ACTN2: variants seen among roughly 807,000 people sequenced by gnomAD.
ACTN2 encodes alpha-actinin-2.
Under a neutral mutation model 113.8 loss-of-function variants are expected in ACTN2, and 39 were observed. That is an observed-to-expected ratio of 0.34 (90% CI 0.27 to 0.45). The LOEUF (loss-of-function observed/expected upper bound fraction) is 0.45, where lower values mean the gene tolerates loss of function less well. Among genes scored for constraint, ACTN2 ranks in the 20% least tolerant of loss-of-function variants. ACTN2 has a pLI of 1.00. For missense variants in ACTN2, 992 were observed against 1,177.9 expected, an observed-to-expected ratio of 0.84 and a Z score of 2.31; for synonymous variants, 429 against 444.1, an observed-to-expected ratio of 0.97 and a Z score of 0.43.
chr1:236,715,270 T>G (rs1290333165), intron 1 of ACTN2, among the ~76,000 whole-genome samples: 1 of 151,266 alleles, frequency 6.6e-6, no homozygotes, highest in Non-Finnish European at 1.5e-5. Context: ...ACTCGTCATT[T>G]AACATTAGGT....
chr1:236,697,665 C>T (rs1398339708), intron 1 of ACTN2, among the ~76,000 whole-genome samples: 1 of 151,906 alleles, frequency 6.6e-6, no homozygotes, highest in Non-Finnish European at 1.5e-5. Flanking sequence ...TGCCAGTTGG[C>T]TTGAATCTGG....
At chr1:236,706,130 A>G (rs1333977857) in intron 1 of ACTN2, among the ~76,000 whole-genome samples, 1 of 151,202 alleles carries the variant, frequency 6.6e-6, no homozygotes, top group Non-Finnish European at 1.5e-5. Flanking sequence ...TTTTCTTGGC[A>G]AGATTATAGA....
Position 236,762,517 on chromosome 1 carries a change from C to T in ACTN2, c.2583C>T (p.Tyr861=). 2 of 1,614,196 alleles carry T rather than the reference C, an allele frequency of 1.2e-6. No individual in the cohort carries two copies. Among genetic ancestry groups the T allele is most frequent in the African/African-American group, 2.7e-5 (2 of 75,060 alleles). Residue 861 remains tyrosine, a synonymous_variant, in exon 21 of 21, where the codon TAC becomes TAT. Coordinates refer to ENST00000366578, the MANE Select transcript of ACTN2 (RefSeq NM_001103.4). ...AGCTGCCCCCGGATCAGGCCCAGTA[C>T]TGCATCAAGAGGATGCCCGCCTACT... ...RRELPPDQAQ[Y]CIKRMPAYSG...
chr1:236,727,186 A>G (rs77527183), intron 5 of ACTN2, among the ~76,000 whole-genome samples: 34 of 5,198 alleles, frequency 6.5e-3, no homozygotes, highest in African/African-American at 7.5e-3. Flanking sequence ...AAAGAAAAAG[A>G]AAAAAAAAAG....
chr1:236,747,736 A>T lies in ACTN2; in HGVS notation c.1476A>T (p.Arg492=), dbSNP rs397516569. 5.3e-5 allele frequency: 85 copies of T among 1,614,072 alleles called. No homozygotes were observed. Among genetic ancestry groups the T allele is most frequent in the Non-Finnish European group, 6.9e-5 (82 of 1,180,016 alleles). Residue 492 remains arginine, a synonymous_variant, in exon 13 of 21, where the codon CGA becomes CGT. Coordinates refer to ENST00000366578, the MANE Select transcript of ACTN2 (RefSeq NM_001103.4). ...RCQKICDQWD[R]LGTLTQKRRE... ...AGAAAATTTGTGACCAGTGGGACCG[A>T]CTGGGAACGCTTACTCAGAAGAGGA... is the stretch of plus-strand genomic sequence containing the variant.
intron 10 of ACTN2, among the ~76,000 whole-genome samples, chr1:236,739,892 G>A (rs886226695): frequency 6.6e-6 from 1 of 151,930 alleles, no homozygotes; most frequent in African/African-American, 2.4e-5. Flanking sequence ...CCTTCGCAAA[G>A]TCTGAGTCCT....
Position 236,759,709 on chromosome 1 carries a change from T to G in ACTN2, c.2302-15T>G, listed in dbSNP as rs765098824. 4 of 1,613,706 alleles carry G rather than the reference T, an allele frequency of 2.5e-6. No homozygotes were observed. The highest frequency in any genetic ancestry group is 3.4e-6 in the Non-Finnish European group (4 of 1,179,582). ...CCCTGTGCTCACCTGCTCTGTCCTT[T>G]GTTTTTGCCAACAGAGGAAGAATGG... On this transcript the variant is annotated splice_polypyrimidine_tract_variant and intron_variant, in intron 18 of 20. Coordinates refer to ENST00000366578, the MANE Select transcript of ACTN2 (RefSeq NM_001103.4).
intron 1 of ACTN2, among the ~76,000 whole-genome samples, chr1:236,706,607 ACCT>A (rs1657830602): frequency 6.6e-6 from 1 of 152,128 alleles, no homozygotes; most frequent in Admixed American, 6.6e-5. Flanking sequence ...TCTTTCTCTT[ACCT>A]TGTCTTTGGG....
At chr1:236,730,271 C>CTTT (rs11410238) in intron 6 of ACTN2, among the ~76,000 whole-genome samples, 31 of 146,820 alleles carry the variant, frequency 2.1e-4, no homozygotes, top group African/African-American at 5.0e-4. Flanking sequence ...TAGTTAAACA[C>CTTT]TTTTTTTTTT....
intron 1 of ACTN2, among the ~76,000 whole-genome samples, chr1:236,696,825 C>T (rs1195311859): frequency 6.6e-6 from 1 of 152,126 alleles, no homozygotes; most frequent in Non-Finnish European, 1.5e-5. Context: ...GCCACCACGC[C>T]CAGCTAATTT....
chr1:236,717,304 G>A lies in ACTN2; in HGVS notation c.127-554G>A, dbSNP rs111861855. On this transcript the variant is annotated intron_variant, in intron 1 of 20. Transcript: ENST00000366578. ...AAAAAAAAATTAGCTAGGTGTGGTCGTGCATGCCTATAGTCCCAGCTACTT... is the reference window on the plus strand; with the variant it reads ...AAAAAAAAATTAGCTAGGTGTGGTCATGCATGCCTATAGTCCCAGCTACTT... Among the ~76,000 whole-genome samples the A allele has an allele frequency of 2.4e-3, 369 of 152,130 alleles. 1 individual carries two copies. Among genetic ancestry groups the A allele is most frequent in the African/African-American group, 8.4e-3 (347 of 41,536 alleles).
At chr1:236,749,473 G>A (rs1659331766) in intron 14 of ACTN2, among the ~76,000 whole-genome samples, 3 of 152,138 alleles carry the variant, frequency 2.0e-5, no homozygotes, top group Admixed American at 2.0e-4. Flanking sequence ...AAGTAATGGT[G>A]AATGTGTCTC....
At chr1:236,695,563 T>TCCTCCCC (rs1657467692) in intron 1 of ACTN2, among the ~76,000 whole-genome samples, 2 of 100,796 alleles carry the variant, frequency 2.0e-5, no homozygotes, top group African/African-American at 4.1e-5. Flanking sequence ...TGAAATGAGT[T>TCCTCCCC]CCCCCCCCCT....
In ACTN2 at chr1:236,711,615, G is replaced by T. The variant is rs183059392; in HGVS notation, c.127-6243G>T. On this transcript the variant is annotated intron_variant, in intron 1 of 20. Transcript: ENST00000366578. Reference sequence around the variant, plus strand: ...TCCACCCACCTTGGCCTCCCAAAATGCTGGGATTACAGGTGTGAGCCACCA... The same window carrying T: ...TCCACCCACCTTGGCCTCCCAAAATTCTGGGATTACAGGTGTGAGCCACCA... Among the ~76,000 whole-genome samples the T allele has an allele frequency of 7.2e-5, 11 of 152,326 alleles. No individual in the cohort carries two copies. The East Asian group carries it at 2.1e-3, about 29-fold the overall frequency.
chr1:236,734,393 T>C (rs1658803770), intron 7 of ACTN2: 2 of 1,420,456 alleles, frequency 1.4e-6, no homozygotes, highest in African/African-American at 1.4e-5. Flanking sequence ...CCTGCTGGTA[T>C]TAGAACATCC....
intron 1 of ACTN2, among the ~76,000 whole-genome samples, chr1:236,687,108 A>G (rs1399410258): frequency 6.6e-6 from 1 of 152,028 alleles, no homozygotes; most frequent in Non-Finnish European, 1.5e-5. Flanking sequence ...TGACCCCTTG[A>G]GTCTGTGACC....
intron 4 of ACTN2, among the ~76,000 whole-genome samples, chr1:236,720,889 A>G (rs1348831563): frequency 1.5e-5 from 2 of 133,076 alleles, no homozygotes; most frequent in African/African-American, 2.7e-5. Flanking sequence ...GGGCTGCTGC[A>G]TTGTCCAACT....
chr1:236,739,405 G>T lies in ACTN2; in HGVS notation c.980G>T (p.Arg327Leu). 1.2e-6 allele frequency: 2 copies of T among 1,614,008 alleles called. No homozygotes were observed. The change falls in exon 10 of 21, where the codon CGC becomes CTC. Residue 327 changes from arginine (R) to leucine (L), a missense_variant. Transcript: ENST00000366578. ...AAGCTGGAGGACTTCCGGGATTACC[G>T]CCGGAAGCACAAGCCACCCAAGGTG... ...QKKLEDFRDYRRKHKPPKVQE... is the reference protein window; with the variant it reads ...QKKLEDFRDYLRKHKPPKVQE...
chr1:236,709,261 C>CATATATATAT (rs1162254873), intron 1 of ACTN2, among the ~76,000 whole-genome samples: 37 of 120,254 alleles, frequency 3.1e-4, no homozygotes, highest in African/African-American at 1.2e-3. Context: ...TATATACACA[C>CATATATATAT]ACACACACAC....
Sources: allele counts gnomAD v4.1 joint callset (sites outside exome capture counted in the v4.1 genomes callset), GRCh38; gene constraint gnomAD v4.1.1; transcripts MANE v1.5; gene names NCBI Gene and HGNC (gene_info 2026-07-23, HGNC 2026-07-21).